Variants in BRINP2 observed in about 807,000 individuals in gnomAD.
BRINP2 encodes BMP/retinoic acid-inducible neural-specific protein 2.
In BRINP2, 21 loss-of-function variants were observed where a neutral mutation model predicts 69.2. That is an observed-to-expected ratio of 0.30 (90% CI 0.22 to 0.44). BRINP2 has a LOEUF of 0.44. BRINP2 is among the 20% of genes least tolerant of loss of function. The probability of loss-of-function intolerance (pLI) is 1.00; values close to 1 mark genes in which losing one functional copy is unlikely to be tolerated. For synonymous variants in BRINP2, 380 were observed against 394.1 expected (o/e 0.96, Z 0.42); for missense variants, 877 against 986.0 (o/e 0.89, Z 1.48).
intron 2 of BRINP2, among the ~76,000 whole-genome samples, chr1:177,255,436 T>C (rs1650724269): frequency 6.6e-6 from 1 of 152,242 alleles, no homozygotes; most frequent in Non-Finnish European, 1.5e-5. Flanking sequence ...CAATAATTTT[T>C]AACAGTATGA....
At chr1:177,172,114 C>T (rs1647952422) in intron 1 of BRINP2, among the ~76,000 whole-genome samples, 1 of 152,186 alleles carries the variant, frequency 6.6e-6, no homozygotes, top group East Asian at 1.9e-4. Context: ...CCAGCTGACG[C>T]TGGGAGGTTC....
chr1:177,177,312 C>T (rs1348500620), intron 1 of BRINP2, among the ~76,000 whole-genome samples: 1 of 151,932 alleles, frequency 6.6e-6, no homozygotes, highest in African/African-American at 2.4e-5. Context: ...ACAACAACAA[C>T]AACAACAACA....
chr1:177,210,033 G>A (rs1239185735), intron 1 of BRINP2, among the ~76,000 whole-genome samples: 2 of 152,044 alleles, frequency 1.3e-5, no homozygotes, highest in Non-Finnish European at 2.9e-5. Context: ...AGATGTGTGA[G>A]GGTTGTTGGA....
chr1:177,230,040 T>G lies in BRINP2; in HGVS notation c.164T>G (p.Leu55Arg). Residue 55 changes from leucine (L) to arginine (R), a missense_variant, in exon 2 of 8, where the codon CTG becomes CGG. Physicochemically the swap from Leu to Arg is moderately radical, Grantham distance 102. Around this residue, in one of 3 missense-constraint regions of BRINP2, gnomAD observed 566 missense variants for 625.2 expected, o/e 0.91. Transcript: ENST00000361539. ...QHASVAGQHP[L>R]DWLLTDRGPF... ...GCCTCCGTAGCTGGCCAGCATCCCC[T>G]GGACTGGCTGCTCACAGACCGGGGC... is the stretch of plus-strand genomic sequence containing the variant. 1 of 1,613,802 alleles carries G rather than the reference T, an allele frequency of 6.2e-7. No homozygotes were observed. The highest frequency in any genetic ancestry group is 8.5e-7 in the Non-Finnish European group (1 of 1,180,006).
intron 1 of BRINP2, among the ~76,000 whole-genome samples, chr1:177,223,046 G>A (rs905307002): frequency 3.3e-5 from 5 of 152,172 alleles, no homozygotes; most frequent in South Asian, 2.1e-4. Context: ...ATTTGCTAGT[G>A]ATCCCCCTGA....
chr1:177,278,638 C>G lies in BRINP2; in HGVS notation c.1088C>G (p.Ala363Gly), dbSNP rs866393411. 3 of 1,614,110 alleles carry G rather than the reference C, an allele frequency of 1.9e-6. No individual in the cohort carries two copies. The African/African-American group carries it at 4.0e-5, about 22-fold the overall frequency. ...LNSTAISQFWAMDTSLQHRYQ... is the reference protein window; with the variant it reads ...LNSTAISQFWGMDTSLQHRYQ... Reference sequence around the variant, plus strand: ...TCCACAGCTATCTCCCAGTTCTGGGCCATGGACACCAGCCTTCAGCACCGC... The same window carrying G: ...TCCACAGCTATCTCCCAGTTCTGGGGCATGGACACCAGCCTTCAGCACCGC... Residue 363 changes from alanine to glycine, a missense_variant, in exon 7 of 8, where the codon GCC (alanine) becomes GGC (glycine). Ala to Gly is a moderately conservative substitution (Grantham distance 60). Transcript: ENST00000361539.
chr1:177,172,891 A>G (rs1398304066), intron 1 of BRINP2, among the ~76,000 whole-genome samples: 2 of 152,254 alleles, frequency 1.3e-5, no homozygotes, highest in East Asian at 3.8e-4. Context: ...TAGACCAATC[A>G]GAGGGATAAA....
At chr1:177,182,884 G>C (rs1242838993) in intron 1 of BRINP2, among the ~76,000 whole-genome samples, 1 of 152,198 alleles carries the variant, frequency 6.6e-6, no homozygotes, top group Non-Finnish European at 1.5e-5. Flanking sequence ...CATCAAGTCT[G>C]ATATGTAGAA....
intron 1 of BRINP2, among the ~76,000 whole-genome samples, chr1:177,174,607 C>T (rs530551504): frequency 3.9e-5 from 6 of 152,108 alleles, no homozygotes; most frequent in Non-Finnish European, 7.3e-5. Context: ...ATGAGGGATG[C>T]GGTGGGATTT....
chr1:177,281,607 G>C lies in BRINP2; in HGVS notation c.*79G>C. On this transcript the variant is annotated 3_prime_UTR_variant, in exon 8 of 8. Coordinates refer to ENST00000361539, the MANE Select transcript of BRINP2 (RefSeq NM_021165.4). ...AAAGATAATCTAAGCCCTCACCTTA[G>C]TGCCAACAGGGTGTGCTCCCACGAG... is the stretch of plus-strand genomic sequence containing the variant. The C allele has an allele frequency of 6.7e-7, 1 of 1,485,076 alleles. No homozygotes were observed. The highest frequency in any genetic ancestry group is 2.3e-5 in the East Asian group (1 of 44,032). The allele number at this position is 1,485,076 out of a possible 1,614,324, so 92.0% of individuals were successfully genotyped here.
chr1:177,213,128 T>C (rs1649277666), intron 1 of BRINP2, among the ~76,000 whole-genome samples: 1 of 152,240 alleles, frequency 6.6e-6, no homozygotes, highest in Non-Finnish European at 1.5e-5. Context: ...GTTGGCAAAC[T>C]AGACAAAATG....
At chr1:177,229,216 C>A (rs1279592797) in intron 1 of BRINP2, among the ~76,000 whole-genome samples, 3 of 152,184 alleles carry the variant, frequency 2.0e-5, no homozygotes, top group Admixed American at 6.5e-5. Context: ...CTCTTCAAGG[C>A]TGTCTATATA....
intron 1 of BRINP2, among the ~76,000 whole-genome samples, chr1:177,180,068 A>G (rs1435348207): frequency 6.6e-6 from 1 of 152,252 alleles, no homozygotes; most frequent in African/African-American, 2.4e-5. Context: ...GGACAAGTTC[A>G]TACATATTTA....
At chr1:177,255,238 C>T (rs1288078251) in intron 2 of BRINP2, among the ~76,000 whole-genome samples, 1 of 152,160 alleles carries the variant, frequency 6.6e-6, no homozygotes, top group African/African-American at 2.4e-5. Context: ...ACATGCAAAG[C>T]CATGCCACTC....
At chr1:177,185,579 T>C in intron 1 of BRINP2, among the ~76,000 whole-genome samples, 1 of 152,350 alleles carries the variant, frequency 6.6e-6, no homozygotes, top group African/African-American at 2.4e-5. Flanking sequence ...AATCATTCTT[T>C]ATTGAGCATT....
intron 1 of BRINP2, among the ~76,000 whole-genome samples, chr1:177,184,835 A>G (rs976713518): frequency 1.3e-5 from 2 of 152,120 alleles, no homozygotes; most frequent in African/African-American, 2.4e-5. Context: ...TATTAAGAAT[A>G]TTTAGTGTTC....
chr1:177,263,170 G>A (rs1294738928), intron 4 of BRINP2, among the ~76,000 whole-genome samples: 1 of 152,208 alleles, frequency 6.6e-6, no homozygotes, highest in Non-Finnish European at 1.5e-5. Flanking sequence ...AAGGTTAAAA[G>A]TCTAAGTAGG....
intron 2 of BRINP2, among the ~76,000 whole-genome samples, chr1:177,248,454 T>TGC (rs1281684408): frequency 6.7e-6 from 1 of 149,292 alleles, no homozygotes; most frequent in South Asian, 2.1e-4. Flanking sequence ...TGTGTGTGTG[T>TGC]GCGTGCGTGT....
At chr1:177,173,104 C>T (rs1233085600) in intron 1 of BRINP2, among the ~76,000 whole-genome samples, 3 of 152,202 alleles carry the variant, frequency 2.0e-5, no homozygotes, top group East Asian at 1.9e-4. Flanking sequence ...GCTTTCCCTC[C>T]TGACTCACAC....
Sources: gnomAD v4.1 joint callset for allele counts (sites outside exome capture counted in the v4.1 genomes callset) on GRCh38, gnomAD v4.1.1 for gene constraint, gnomAD v4.1.1 regional missense constraint, MANE v1.5 for transcripts, NCBI Gene and HGNC (gene_info 2026-07-23, HGNC 2026-07-21) for gene names.